NELL1: variants seen among roughly 807,000 people sequenced by gnomAD.
NELL1 encodes protein kinase C-binding protein NELL1.
A neutral mutation model predicts 107.4 loss-of-function variants in NELL1; 76 were observed. The observed-to-expected ratio is 0.71, with a 90% confidence interval of 0.59 to 0.86. The LOEUF (loss-of-function observed/expected upper bound fraction) is 0.86. NELL1 is among the 40% of genes least tolerant of loss of function. NELL1 has a pLI of 0.00. For synonymous variants in NELL1, 353 were observed against 341.2 expected, an observed-to-expected ratio of 1.03 and a Z score of -0.38; for missense variants, 1,024 against 1,005.5, an observed-to-expected ratio of 1.02 and a Z score of -0.25.
intron 13 of NELL1, among the ~76,000 whole-genome samples, chr11:21,165,537 G>T (rs909424198): frequency 3.3e-5 from 5 of 152,230 alleles, no homozygotes; most frequent in African/African-American, 1.2e-4. Flanking sequence ...ACTAAAAACA[G>T]AGTTACTATA....
intron 14 of NELL1, among the ~76,000 whole-genome samples, chr11:21,338,304 C>T (rs1031364341): frequency 3.9e-5 from 6 of 152,254 alleles, no homozygotes; most frequent in African/African-American, 1.4e-4. Flanking sequence ...AAAGTGTAAT[C>T]CTTCTGCTTT....
chr11:21,100,815 G>A (rs562563851), intron 12 of NELL1, among the ~76,000 whole-genome samples: 1 of 152,178 alleles, frequency 6.6e-6, no homozygotes, highest in South Asian at 2.1e-4. Flanking sequence ...GTATAGCAAA[G>A]TACAATGTTT....
chr11:21,422,031 A>C (rs73459521), intron 15 of NELL1, among the ~76,000 whole-genome samples: 4,426 of 152,270 alleles, frequency 0.029, 223 homozygotes, highest in African/African-American at 0.099. Context: ...CTGTCAACCA[A>C]GAATTCACTG....
chr11:21,476,140 A>G (rs979331889), intron 15 of NELL1, among the ~76,000 whole-genome samples: 2 of 152,314 alleles, frequency 1.3e-5, no homozygotes, highest in South Asian at 2.1e-4. Context: ...TAGAAAACCA[A>G]TATCATTTGC....
chr11:21,224,551 T>C (rs181816612), intron 13 of NELL1, among the ~76,000 whole-genome samples: 18 of 152,288 alleles, frequency 1.2e-4, no homozygotes, highest in South Asian at 1.0e-3. Context: ...AGGTTTTCTA[T>C]GCCATTTCCC....
At chr11:21,386,638 T>G (rs1489380052) in intron 15 of NELL1, among the ~76,000 whole-genome samples, 1 of 151,892 alleles carries the variant, frequency 6.6e-6, no homozygotes, top group Non-Finnish European at 1.5e-5. Flanking sequence ...GTCAGCAAAT[T>G]ATTATGGTAC....
At chr11:21,469,188 T>A (rs1224743259) in intron 15 of NELL1, among the ~76,000 whole-genome samples, 1 of 152,056 alleles carries the variant, frequency 6.6e-6, no homozygotes, top group Non-Finnish European at 1.5e-5. Flanking sequence ...CACATGCATT[T>A]GTTTTTCAGG....
intron 10 of NELL1, 55 bp from the exon 11 acceptor site, chr11:20,947,281 T>C: frequency 8.7e-7 from 1 of 1,153,114 alleles, no homozygotes; most frequent in South Asian, 1.2e-5. Context: ...TATAAGTTTG[T>C]TCCATTGACT....
In NELL1 at chr11:20,723,681, T is replaced by C. The variant is rs572616561; in HGVS notation, c.184+45621T>C. On this transcript the variant is annotated intron_variant, in intron 2 of 19. Coordinates refer to ENST00000357134, the MANE Select transcript of NELL1 (RefSeq NM_006157.5). ...ATCTATCATTCTGGCATCTAGAGAA[T>C]GGTGGCCCTCTTCCATAGCTCCATT... Among the ~76,000 whole-genome samples the C allele has an allele frequency of 2.4e-4, 36 of 152,156 alleles. 1 individual carries two copies. The East Asian group carries it at 4.8e-3, about 20-fold the overall frequency.
intron 15 of NELL1, among the ~76,000 whole-genome samples, chr11:21,496,405 CTT>C (rs1016430894): frequency 5.7e-5 from 8 of 141,258 alleles, no homozygotes; most frequent in African/African-American, 1.0e-4. Context: ...TTATTCTTCT[CTT>C]GTTTTTTTTT....
rs112542949 is a variant in NELL1, at chr11:21,183,512, G to A, written c.1427-45820G>A. ...AGAGAGCTCCAGTGTTTGCAGAAAA[G>A]TTTTACAAAGATTAAAACAATATCT... is the stretch of plus-strand genomic sequence containing the variant. On this transcript the variant is annotated intron_variant, in intron 13 of 19. Transcript: ENST00000357134. Among the ~76,000 whole-genome samples the A allele has an allele frequency of 2.3e-3, 346 of 152,008 alleles. 3 individuals carry two copies. Among genetic ancestry groups the A allele is most frequent in the Middle Eastern group, 0.014 (4 of 294 alleles).
At chr11:20,989,042 T>TGGGAAATACACCA (rs1851914842) in intron 12 of NELL1, among the ~76,000 whole-genome samples, 1 of 152,140 alleles carries the variant, frequency 6.6e-6, no homozygotes, top group Non-Finnish European at 1.5e-5. Context: ...TCTGTAACAA[T>TGGGAAATACACCA]AGTGTCCCTT....
At chr11:21,145,446 G>A (rs186674961) in intron 13 of NELL1, among the ~76,000 whole-genome samples, 1 of 152,304 alleles carries the variant, frequency 6.6e-6, no homozygotes, top group African/African-American at 2.4e-5. Flanking sequence ...GTGGTAGAAG[G>A]AAAGAGCTGA....
intron 15 of NELL1, among the ~76,000 whole-genome samples, chr11:21,528,643 A>G (rs551087526): frequency 6.9e-6 from 1 of 145,306 alleles, no homozygotes; most frequent in African/African-American, 2.5e-5. Flanking sequence ...TTCATAAATT[A>G]CTCAATCTCA....
intron 12 of NELL1, among the ~76,000 whole-genome samples, chr11:21,077,746 A>G (rs961785325): frequency 1.3e-4 from 6 of 47,120 alleles, no homozygotes; most frequent in African/African-American, 5.9e-4. Flanking sequence ...CTGTCTCAGG[A>G]AAAAAAAAAA....
chr11:21,253,991 A>G (rs1366571481), intron 14 of NELL1, among the ~76,000 whole-genome samples: 1 of 152,142 alleles, frequency 6.6e-6, no homozygotes, highest in East Asian at 1.9e-4. Flanking sequence ...GGATGCAGAT[A>G]TGAGACAGAT....
At chr11:21,136,625 T>C (rs569801681) in intron 13 of NELL1, among the ~76,000 whole-genome samples, 6 of 152,176 alleles carry the variant, frequency 3.9e-5, no homozygotes, top group Non-Finnish European at 5.9e-5. Flanking sequence ...ACAAACTGAG[T>C]CATTTGCAAA....
chr11:21,191,841 CA>C (rs1857056404), intron 13 of NELL1, among the ~76,000 whole-genome samples: 1 of 151,832 alleles, frequency 6.6e-6, no homozygotes, highest in African/African-American at 2.4e-5. Context: ...ATGTGAAAAG[CA>C]AATGAAATTA....
chr11:20,744,193 T>G (rs1173958544), intron 2 of NELL1, among the ~76,000 whole-genome samples: 1 of 152,224 alleles, frequency 6.6e-6, no homozygotes, highest in Non-Finnish European at 1.5e-5. Context: ...CGCTCCACTC[T>G]AGTCCATCCT....
Sources: allele counts gnomAD v4.1 joint callset (sites outside exome capture counted in the v4.1 genomes callset), GRCh38; gene constraint gnomAD v4.1.1; transcripts MANE v1.5; gene names NCBI Gene and HGNC (gene_info 2026-07-23, HGNC 2026-07-21).